The following ZFR variants were observed in gnomAD, a reference collection of about 807,000 sequenced individuals.
ZFR encodes the protein zinc finger RNA-binding protein.
ZFR carries 19 observed loss-of-function variants against 130.7 expected under a neutral mutation model. The ratio of observed to expected loss-of-function variants is 0.15; its 90% CI spans 0.10 to 0.21. The LOEUF is 0.21. Ranked by LOEUF, ZFR falls within the 10% of genes least tolerant of loss-of-function variation. The probability of loss-of-function intolerance (pLI) is 1.00; values close to 1 mark genes in which losing one functional copy is unlikely to be tolerated. For synonymous variants in ZFR, 466 were observed against 456.9 expected, an observed-to-expected ratio of 1.02 and a Z score of -0.25; for missense variants, 872 against 1,321.5, an observed-to-expected ratio of 0.66 and a Z score of 5.27.
chr5:32,380,678 G>T (rs1451800437), intron 15 of ZFR, among the ~76,000 whole-genome samples: 2 of 133,714 alleles, frequency 1.5e-5, no homozygotes, highest in Non-Finnish European at 3.1e-5. Context: ...TTTTTGAGAC[G>T]GAGTGTCACT....
At chr5:32,441,944 T>A (rs979781472) in intron 2 of ZFR, among the ~76,000 whole-genome samples, 2 of 99,226 alleles carry the variant, frequency 2.0e-5, no homozygotes, top group South Asian at 3.1e-4. Context: ...AACTTTTCAG[T>A]TTCAAGGCCA....
intron 5 of ZFR, 127 bp downstream of exon 5, chr5:32,414,841 AT>A: frequency 1.2e-6 from 1 of 825,682 alleles, no homozygotes; most frequent in Non-Finnish European, 1.8e-6. Context: ...ATGTACCTAT[AT>A]TTATGTCTAT....
At chr5:32,373,612 T>C (rs1456226821) in intron 17 of ZFR, among the ~76,000 whole-genome samples, 1 of 151,806 alleles carries the variant, frequency 6.6e-6, no homozygotes, top group Non-Finnish European at 1.5e-5. Context: ...AAAATAAATA[T>C]AGAAAGGTAA....
chr5:32,408,362 T>G (rs770613579), intron 5 of ZFR, among the ~76,000 whole-genome samples: 2 of 151,020 alleles, frequency 1.3e-5, no homozygotes, highest in Non-Finnish European at 2.9e-5. Flanking sequence ...CTTTCAGCAC[T>G]GTTGGCCTCT....
intron 4 of ZFR, among the ~76,000 whole-genome samples, chr5:32,417,339 A>G (rs544063245): frequency 3.3e-5 from 5 of 152,252 alleles, no homozygotes; most frequent in Admixed American, 2.6e-4. Context: ...TGGCAGTATC[A>G]TATGTTCTGG....
At chr5:32,418,877 A>C (rs1753890779) in intron 3 of ZFR, among the ~76,000 whole-genome samples, 1 of 152,230 alleles carries the variant, frequency 6.6e-6, no homozygotes, top group Non-Finnish European at 1.5e-5. Flanking sequence ...AATTTAATTT[A>C]AATAAGCAAG....
At chr5:32,371,674 A>C (rs1256715793) in intron 17 of ZFR, among the ~76,000 whole-genome samples, 1 of 152,222 alleles carries the variant, frequency 6.6e-6, no homozygotes, top group Admixed American at 6.5e-5. Context: ...AGAAAAAAGA[A>C]AAACACTAGA....
intron 4 of ZFR, among the ~76,000 whole-genome samples, chr5:32,415,804 C>G (rs1484155029): frequency 2.0e-5 from 3 of 152,076 alleles, no homozygotes; most frequent in Non-Finnish European, 4.4e-5. Flanking sequence ...CTGACATACT[C>G]AAAACAATGT....
At chr5:32,375,525 A>T (rs183622511) in intron 17 of ZFR, among the ~76,000 whole-genome samples, 2 of 152,332 alleles carry the variant, frequency 1.3e-5, no homozygotes, top group African/African-American at 2.4e-5. Context: ...AAAGAAAAAA[A>T]AAGAGATAAG....
rs764420361 is a variant in ZFR, at chr5:32,444,666, GGCT to G, written c.-11_-9del. On this transcript the variant is annotated 5_prime_UTR_variant, in exon 1 of 20. Transcript: ENST00000265069. ...AGGGCATATGGGAATCATGGGCTCG[GGCT>G]GCTGCTGCTGAACTCTGAACTCTCA... 30 of 1,510,584 alleles carry G rather than the reference GGCT, an allele frequency of 2.0e-5. No homozygotes were observed. The highest frequency in any genetic ancestry group is 1.1e-4 in the Admixed American group (5 of 44,510). The allele number at this position is 1,510,584 out of a possible 1,614,324, so 93.6% of individuals were successfully genotyped here. A position where few individuals can be genotyped will look rare whatever the true frequency, so the allele number is the denominator to read the frequency against.
chr5:32,441,035 G>A (rs1486304521), intron 2 of ZFR, among the ~76,000 whole-genome samples: 1 of 152,104 alleles, frequency 6.6e-6, no homozygotes, highest in East Asian at 1.9e-4. Context: ...GTGTAATCGC[G>A]CGATCTTGGC....
chr5:32,420,178 A>G (rs953737213), intron 2 of ZFR, 75 bp from the exon 3 acceptor site: 2 of 1,348,032 alleles, frequency 1.5e-6, no homozygotes, highest in Non-Finnish European at 1.9e-6. Context: ...ATTAAAAGCT[A>G]TTCAACTGAA....
At chr5:32,434,346 T>G (rs1221619144) in intron 2 of ZFR, among the ~76,000 whole-genome samples, 1 of 152,236 alleles carries the variant, frequency 6.6e-6, no homozygotes, top group Non-Finnish European at 1.5e-5. Context: ...AGAGCGGTGC[T>G]TTTTGCATTC....
In ZFR at chr5:32,419,880, T is replaced by C. The variant is rs1035189676; in HGVS notation, c.361A>G (p.Thr121Ala). 3 of 1,613,432 alleles carry C rather than the reference T, an allele frequency of 1.9e-6. No homozygotes were observed. The African/African-American group carries it at 4.0e-5, about 22-fold the overall frequency. The change falls in exon 3 of 20, where the codon ACT becomes GCT. Residue 121 changes from threonine to alanine, a missense_variant. Physicochemically the swap from Thr to Ala is moderately conservative, Grantham distance 58. Coordinates refer to ENST00000265069, the MANE Select transcript of ZFR (RefSeq NM_016107.5). ...GGTGGTGCTTCTTGTTGCCTCTGAGTATAACCATAGTCAGTTGCTGTGTGT... is the reference window on the plus strand; with the variant it reads ...GGTGGTGCTTCTTGTTGCCTCTGAGCATAACCATAGTCAGTTGCTGTGTGT... ...TAHTATDYGY[T>A]QRQQEAPPPP...
rs1276537769 is a variant in ZFR at position 32,417,647 on chromosome 5, C to A, written c.565+1G>T. 1 of 1,612,618 alleles carries A rather than the reference C, an allele frequency of 6.2e-7. No homozygotes were observed. The highest frequency in any genetic ancestry group is 8.5e-7 in the Non-Finnish European group (1 of 1,179,850). The stretch of plus-strand genomic sequence containing the variant: ...AAACTCTGTAGGTTAAGAAAACCCA[C>A]CTGTCTGATAGTAAGTTTCAGCAAC... On this transcript the variant is annotated splice_donor_variant, in intron 4 of 19. Transcript: ENST00000265069. LOFTEE classifies it high-confidence loss of function.
chr5:32,395,804 C>T (rs985553544), intron 10 of ZFR, among the ~76,000 whole-genome samples: 1 of 151,982 alleles, frequency 6.6e-6, no homozygotes, highest in Non-Finnish European at 1.5e-5. Flanking sequence ...AATATTTTCT[C>T]TTCTCTAGCT....
intron 5 of ZFR, among the ~76,000 whole-genome samples, chr5:32,413,573 C>A (rs1223728798): frequency 6.6e-6 from 1 of 151,222 alleles, no homozygotes; most frequent in East Asian, 1.9e-4. Context: ...GTATAGACAA[C>A]CAGAGAAAGA....
At chr5:32,440,732 G>A (rs1478645911) in intron 2 of ZFR, among the ~76,000 whole-genome samples, 5 of 151,356 alleles carry the variant, frequency 3.3e-5, no homozygotes, top group South Asian at 2.1e-4. Flanking sequence ...ACTGAGAAAC[G>A]CTTACCACAA....
intron 3 of ZFR, 116 bp downstream of exon 3, chr5:32,419,705 G>C (rs1753909951): frequency 2.7e-6 from 4 of 1,478,070 alleles, no homozygotes; most frequent in East Asian, 4.6e-5. Flanking sequence ...TTCTCTATCA[G>C]TACATGTGTA....
Sources: allele counts gnomAD v4.1 joint callset (sites outside exome capture counted in the v4.1 genomes callset), GRCh38; gene constraint gnomAD v4.1.1; transcripts MANE v1.5; gene names NCBI Gene and HGNC (gene_info 2026-07-23, HGNC 2026-07-21).